Variants in SLIT3 observed in about 807,000 individuals in gnomAD.
SLIT3 encodes the protein slit homolog 3 protein.
A neutral mutation model predicts 184.0 loss-of-function variants in SLIT3; 68 were observed. The ratio of observed to expected loss-of-function variants is 0.37; its 90% CI spans 0.30 to 0.45. SLIT3 has a LOEUF of 0.45. Among genes scored for constraint, SLIT3 ranks in the 20% least tolerant of loss-of-function variants. The probability of loss-of-function intolerance (pLI) is 1.00; values close to 1 mark genes in which losing one functional copy is unlikely to be tolerated. For synonymous variants in SLIT3, 831 were observed against 828.6 expected (o/e 1.00, Z -0.05); for missense variants, 1,707 against 2,026.0 (o/e 0.84, Z 3.02).
chr5:168,801,117 G>T (rs1201173298), intron 9 of SLIT3, among the ~76,000 whole-genome samples: 1 of 152,094 alleles, frequency 6.6e-6, no homozygotes, highest in African/African-American at 2.4e-5. Context: ...GGATCCCAAT[G>T]CTCTGTTCCC....
At chr5:168,789,822 C>A (rs1412080433) in intron 10 of SLIT3, 191 bp from the exon 11 acceptor site, 10 of 563,514 alleles carry the variant, frequency 1.8e-5, no homozygotes, top group Non-Finnish European at 3.2e-5. Flanking sequence ...TGATAAAGTG[C>A]ACCACATTTA....
intron 4 of SLIT3, among the ~76,000 whole-genome samples, chr5:169,048,570 G>A (rs1365924101): frequency 2.0e-5 from 3 of 152,198 alleles, no homozygotes; most frequent in Admixed American, 2.0e-4. Context: ...CATTCACACA[G>A]TAGTTACCTA....
At chr5:169,189,191 T>G (rs908332724) in intron 4 of SLIT3, among the ~76,000 whole-genome samples, 5 of 152,042 alleles carry the variant, frequency 3.3e-5, no homozygotes, top group African/African-American at 1.2e-4. Context: ...TGGCACTGGC[T>G]CTGAGGATGG....
chr5:168,710,528 C>T (rs1037873702), intron 25 of SLIT3, among the ~76,000 whole-genome samples: 1 of 151,904 alleles, frequency 6.6e-6, no homozygotes. Flanking sequence ...TTTTGGGGGG[C>T]CAAAACAGGA....
intron 6 of SLIT3, among the ~76,000 whole-genome samples, chr5:168,836,170 C>A (rs1758047675): frequency 1.3e-5 from 2 of 152,192 alleles, no homozygotes; most frequent in South Asian, 4.1e-4. Flanking sequence ...AGCAGACTCT[C>A]AGCCACAGGT....
chr5:169,267,733 G>A (rs1343359479), intron 1 of SLIT3, among the ~76,000 whole-genome samples: 1 of 152,206 alleles, frequency 6.6e-6, no homozygotes, highest in African/African-American at 2.4e-5. Flanking sequence ...ATCGGCAACA[G>A]GAGTGGGTGA....
chr5:169,009,213 ACTCCCCTTCTACATCCATGTC>A (rs1561604365), intron 4 of SLIT3, among the ~76,000 whole-genome samples: 13 of 151,572 alleles, frequency 8.6e-5, no homozygotes, highest in Admixed American at 7.9e-4. Context: ...TCCTCTTGAA[ACTCCCCTTCTACATCCATGTC>A]CTCCCCTGCA....
intron 1 of SLIT3, among the ~76,000 whole-genome samples, chr5:169,288,171 G>T (rs1006444391): frequency 1.3e-5 from 2 of 152,138 alleles, no homozygotes; most frequent in Non-Finnish European, 1.5e-5. Flanking sequence ...TCTCCTCATG[G>T]CCTCAAATGC....
At chr5:169,278,748 TTTC>T (rs1257881883) in intron 1 of SLIT3, among the ~76,000 whole-genome samples, 1 of 152,108 alleles carries the variant, frequency 6.6e-6, no homozygotes, top group Non-Finnish European at 1.5e-5. Context: ...CTCCGCCATG[TTTC>T]TTCACATGGG....
chr5:169,212,422 G>C (rs1414872629), intron 3 of SLIT3, among the ~76,000 whole-genome samples: 1 of 152,038 alleles, frequency 6.6e-6, no homozygotes, highest in Non-Finnish European at 1.5e-5. Context: ...GTCTTCTTTT[G>C]AGAAGCGTCT....
intron 5 of SLIT3, among the ~76,000 whole-genome samples, chr5:168,863,139 T>C (rs1013414478): frequency 6.6e-6 from 1 of 152,224 alleles, no homozygotes; most frequent in African/African-American, 2.4e-5. Context: ...AAAGTCTGAC[T>C]TGCCTGATGA....
intron 3 of SLIT3, among the ~76,000 whole-genome samples, chr5:169,205,648 T>C (rs1764043869): frequency 6.6e-6 from 1 of 152,228 alleles, no homozygotes; most frequent in Non-Finnish European, 1.5e-5. Flanking sequence ...ACTCCACTTA[T>C]CTAACAGAAT....
At position 169,260,161 on chromosome 5, in the gene SLIT3, A is replaced by G. The variant is rs1303470577; in HGVS notation, c.198-8702T>C. Among the ~76,000 whole-genome samples the G allele has an allele frequency of 2.0e-5, 3 of 152,314 alleles. No homozygotes were observed. The South Asian group carries it at 6.2e-4, about 32-fold the overall frequency. ...AAAAAAAATAAACAACTTTAAAAAA[A>G]AAAATCCCATAGTGTGATTTGAGGA... is the stretch of plus-strand genomic sequence containing the variant. On this transcript the variant is annotated intron_variant, in intron 1 of 35. Coordinates refer to ENST00000519560, the MANE Select transcript of SLIT3 (RefSeq NM_003062.4).
At chr5:168,702,277 A>T (rs1220896138) in intron 26 of SLIT3, among the ~76,000 whole-genome samples, 2 of 152,228 alleles carry the variant, frequency 1.3e-5, no homozygotes, top group Non-Finnish European at 2.9e-5. Flanking sequence ...TATCATGTTC[A>T]CAACAACCCT....
At chr5:168,760,730 G>T in intron 16 of SLIT3, 132 bp downstream of exon 16, 1 of 676,696 alleles carries the variant, frequency 1.5e-6, no homozygotes, top group Non-Finnish European at 2.6e-6. Flanking sequence ...GGCCACAGCG[G>T]GGCTGAGGAG....
chr5:168,801,444 C>T (rs1756762900), intron 9 of SLIT3, among the ~76,000 whole-genome samples: 1 of 152,178 alleles, frequency 6.6e-6, no homozygotes, highest in African/African-American at 2.4e-5. Flanking sequence ...AAAACTGGGG[C>T]TATTTCCCCT....
chr5:168,951,065 T>C (rs943567487), intron 4 of SLIT3, among the ~76,000 whole-genome samples: 2 of 151,972 alleles, frequency 1.3e-5, no homozygotes, highest in Non-Finnish European at 2.9e-5. Flanking sequence ...ACTAAAAATA[T>C]GAAAATTAGC....
chr5:168,905,734 C>A (rs894035945), intron 4 of SLIT3, among the ~76,000 whole-genome samples: 1 of 152,188 alleles, frequency 6.6e-6, no homozygotes, highest in African/African-American at 2.4e-5. Context: ...AACTCGTATA[C>A]CCCTTGCTGA....
chr5:168,992,917 T>C (rs1441696531), intron 4 of SLIT3: 1 of 152,036 alleles, frequency 6.6e-6, no homozygotes, highest in South Asian at 2.1e-4. Flanking sequence ...TGCCAGTGGG[T>C]GTTAGCAAAG....
Sources: gnomAD v4.1 joint callset for allele counts (sites outside exome capture counted in the v4.1 genomes callset) on GRCh38, gnomAD v4.1.1 for gene constraint, MANE v1.5 for transcripts, NCBI Gene and HGNC (gene_info 2026-07-23, HGNC 2026-07-21) for gene names.